RAD51B: variants seen among roughly 807,000 people sequenced by gnomAD.
RAD51B encodes the protein RAD51 paralog B.
A neutral mutation model predicts 42.2 loss-of-function variants in RAD51B; 38 were observed. The observed-to-expected ratio is 0.90, with a 90% CI of 0.70 to 1.18. RAD51B has a LOEUF of 1.18. RAD51B is among the 50% of genes most tolerant of loss of function. The pLI is 0.00. For synonymous variants in RAD51B, 154 were observed against 145.2 expected, an observed-to-expected ratio of 1.06 and a Z score of -0.43; for missense variants, 373 against 400.7, an observed-to-expected ratio of 0.93 and a Z score of 0.59.
At chr14:68,428,733 A>AATTAT (rs1335292321) in intron 9 of RAD51B, among the ~76,000 whole-genome samples, 4 of 25,586 alleles carry the variant, frequency 1.6e-4, no homozygotes, top group Non-Finnish European at 2.4e-4. Context: ...ATATATATAT[A>AATTAT]TATATATATA....
chr14:67,897,420 C>T (rs1336949489), intron 7 of RAD51B, among the ~76,000 whole-genome samples: 4 of 151,870 alleles, frequency 2.6e-5, no homozygotes, highest in Non-Finnish European at 5.9e-5. Context: ...AGCAAGCAAA[C>T]AAGAGACAAT....
At chr14:68,105,846 G>A (rs1223284167) in intron 7 of RAD51B, among the ~76,000 whole-genome samples, 1 of 151,920 alleles carries the variant, frequency 6.6e-6, no homozygotes, top group African/African-American at 2.4e-5. Flanking sequence ...ATTAGTGACA[G>A]GATTATATAC....
intron 7 of RAD51B, among the ~76,000 whole-genome samples, chr14:68,289,510 T>G (rs1246313212): frequency 6.6e-6 from 1 of 151,282 alleles, no homozygotes; most frequent in Non-Finnish European, 1.5e-5. Flanking sequence ...AGGTCAGGAG[T>G]TCTAGACCAG....
At chr14:68,116,450 G>A (rs1173384583) in intron 7 of RAD51B, among the ~76,000 whole-genome samples, 1 of 151,738 alleles carries the variant, frequency 6.6e-6, no homozygotes, top group African/African-American at 2.4e-5. Context: ...TTCAAAAAAT[G>A]TATAAAATCA....
chr14:68,593,841 A>G (rs1295841126), intron 10 of RAD51B, among the ~76,000 whole-genome samples: 1 of 152,162 alleles, frequency 6.6e-6, no homozygotes, highest in East Asian at 1.9e-4. Context: ...GACGGCTGGG[A>G]AGGGGGATGG....
At chr14:68,566,360 A>C (rs1889419345) in intron 10 of RAD51B, among the ~76,000 whole-genome samples, 1 of 152,236 alleles carries the variant, frequency 6.6e-6, no homozygotes, top group Admixed American at 6.5e-5. Context: ...TCTATTTCCC[A>C]TAGAATTGTC....
chr14:68,009,312 G>C (rs1404317485), intron 7 of RAD51B, among the ~76,000 whole-genome samples: 2 of 151,972 alleles, frequency 1.3e-5, no homozygotes, highest in East Asian at 3.9e-4. Flanking sequence ...TTAGAAGTGA[G>C]ACTTTGTGGG....
downstream of RAD51B, among the ~76,000 whole-genome samples, chr14:68,612,145 C>T (rs146662639): frequency 3.0e-3 from 455 of 152,340 alleles, no homozygotes; most frequent in Non-Finnish European, 4.9e-3. Flanking sequence ...TGATGGTCTC[C>T]TTCAAGGGTA....
At chr14:68,248,848 C>T (rs908150354) in intron 7 of RAD51B, among the ~76,000 whole-genome samples, 24 of 152,078 alleles carry the variant, frequency 1.6e-4, no homozygotes, top group African/African-American at 5.6e-4. Context: ...TAGCAGAGGG[C>T]GGACACAGCC....
At chr14:68,336,225 A>G (rs1415116869) in intron 8 of RAD51B, among the ~76,000 whole-genome samples, 1 of 152,186 alleles carries the variant, frequency 6.6e-6, no homozygotes, top group Non-Finnish European at 1.5e-5. Flanking sequence ...TGAATGTTTA[A>G]TTATGGTTCT....
intron 11 of RAD51B, among the ~76,000 whole-genome samples, chr14:68,658,030 C>T (rs1892852800): frequency 6.6e-6 from 1 of 152,246 alleles, no homozygotes; most frequent in East Asian, 1.9e-4. Flanking sequence ...GTGACAGCTC[C>T]TTGCCTTGGC....
chr14:67,827,046 T>G (rs1384803015), intron 3 of RAD51B, among the ~76,000 whole-genome samples: 6 of 152,220 alleles, frequency 3.9e-5, no homozygotes, highest in Admixed American at 1.3e-4. Flanking sequence ...AAAGACAGGA[T>G]AGTCAGAAGG....
At chr14:68,354,215 G>GTTTTTTTTTTT (rs1566828163) in intron 8 of RAD51B, among the ~76,000 whole-genome samples, 1 of 103,408 alleles carries the variant, frequency 9.7e-6, no homozygotes, top group Non-Finnish European at 1.8e-5. Flanking sequence ...TTGGTTTTTT[G>GTTTTTTTTTTT]GTTTTTTTTT....
chr14:67,925,622 C>T (rs2044479545), intron 7 of RAD51B, among the ~76,000 whole-genome samples: 1 of 152,174 alleles, frequency 6.6e-6, no homozygotes, highest in South Asian at 2.1e-4. Flanking sequence ...CTCACAGCTA[C>T]ACTAGGCTCT....
chr14:68,026,727 T>C (rs902685879), intron 7 of RAD51B, among the ~76,000 whole-genome samples: 1 of 152,162 alleles, frequency 6.6e-6, no homozygotes, highest in Admixed American at 6.5e-5. Flanking sequence ...ACTTGGAGCC[T>C]GTGGATTTCA....
At chr14:68,679,207 C>T (rs1037521188) in intron 11 of RAD51B, among the ~76,000 whole-genome samples, 1 of 152,244 alleles carries the variant, frequency 6.6e-6, no homozygotes, top group African/African-American at 2.4e-5. Flanking sequence ...CTTAAACTAA[C>T]CCTCACTGCA....
chr14:68,075,484 A>T (rs896600867), intron 7 of RAD51B, among the ~76,000 whole-genome samples: 1 of 152,110 alleles, frequency 6.6e-6, no homozygotes, highest in African/African-American at 2.4e-5. Context: ...TGCCTGGTGA[A>T]GACTAGGGAG....
intron 10 of RAD51B, among the ~76,000 whole-genome samples, chr14:68,610,091 G>A (rs971439884): frequency 2.0e-5 from 3 of 152,052 alleles, no homozygotes; most frequent in Non-Finnish European, 4.4e-5. Context: ...TCTGCTGGCC[G>A]TCTCTGCTTA....
At chr14:68,569,202 C>T (rs758960975) in intron 10 of RAD51B, among the ~76,000 whole-genome samples, 14 of 152,212 alleles carry the variant, frequency 9.2e-5, no homozygotes, top group African/African-American at 2.2e-4. Flanking sequence ...AAGATCTCCC[C>T]GGAGGAATGG....
Sources: allele counts gnomAD v4.1 joint callset (sites outside exome capture counted in the v4.1 genomes callset), GRCh38; gene constraint gnomAD v4.1.1; transcripts MANE v1.5; gene names NCBI Gene and HGNC (gene_info 2026-07-23, HGNC 2026-07-21).